The following PIK3C2G variants were observed in gnomAD, a reference collection of about 807,000 sequenced individuals.
PIK3C2G encodes the protein phosphatidylinositol 3-kinase C2 domain-containing subunit gamma.
Under a neutral mutation model 181.1 loss-of-function variants are expected in PIK3C2G, and 168 were observed. The observed-to-expected ratio is 0.93, with a 90% CI of 0.82 to 1.05. The LOEUF is 1.05. PIK3C2G is among the 50% of genes least tolerant of loss of function. PIK3C2G has a pLI of 0.00. For missense variants in PIK3C2G, 1,869 were observed against 1,732.8 expected, an observed-to-expected ratio of 1.08 and a Z score of -1.40; for synonymous variants, 573 against 592.2, an observed-to-expected ratio of 0.97 and a Z score of 0.47.
At chr12:18,484,913 C>G (rs970035401) in intron 18 of PIK3C2G, among the ~76,000 whole-genome samples, 1 of 152,138 alleles carries the variant, frequency 6.6e-6, no homozygotes. Context: ...CCTGTGCTCA[C>G]TAAAAATTGG....
At chr12:18,465,431 T>C (rs1465785232) in intron 18 of PIK3C2G, among the ~76,000 whole-genome samples, 1 of 151,982 alleles carries the variant, frequency 6.6e-6, no homozygotes, top group Non-Finnish European at 1.5e-5. Flanking sequence ...TCTTGCATTT[T>C]AGTCTTTTCA....
chr12:18,575,783 T>C (rs1946204940), intron 29 of PIK3C2G, among the ~76,000 whole-genome samples: 1 of 152,224 alleles, frequency 6.6e-6, no homozygotes, highest in Non-Finnish European at 1.5e-5. Flanking sequence ...CTTTCTCCTG[T>C]TTAGAAACTT....
At chr12:18,465,819 A>C (rs1379333848) in intron 18 of PIK3C2G, among the ~76,000 whole-genome samples, 1 of 151,760 alleles carries the variant, frequency 6.6e-6, no homozygotes, top group African/African-American at 2.4e-5. Context: ...TTAACATTCT[A>C]AAGTTCTGAA....
In PIK3C2G at chr12:18,624,670, G is replaced by A. The variant is rs191009632; in HGVS notation, c.4182+15041G>A. On this transcript the variant is annotated intron_variant, in intron 31 of 32. Coordinates refer to ENST00000538779, the MANE Select transcript of PIK3C2G (RefSeq NM_001288772.2). ...ACAGCAGTGAAGGCATCAGGTCCTG[G>A]GCTTTTTTTTGAGGAGAGACTTTTT... Among the ~76,000 whole-genome samples the A allele has an allele frequency of 1.4e-4, 21 of 151,498 alleles. No homozygotes were observed. In the East Asian group the frequency reaches 4.1e-3, roughly 29 times the overall value.
intron 32 of PIK3C2G, among the ~76,000 whole-genome samples, chr12:18,642,285 A>T (rs959586107): frequency 2.0e-5 from 3 of 152,188 alleles, no homozygotes; most frequent in African/African-American, 7.2e-5. Flanking sequence ...TTAAATTTTT[A>T]ATAAAATGTG....
rs138009500 is a variant in PIK3C2G at position 18,255,324 on chromosome 12, T to G, written c.-79+7242T>G. ...GAGTCTATTCTGATTCTATTTTCTA[T>G]AAGTAACTTTTTAAGAACAATAATT... On this transcript the variant is annotated intron_variant, in intron 1 of 11. Coordinates refer to the PIK3C2G transcript ENST00000535651. Among the ~76,000 whole-genome samples, 47 of 152,308 alleles carry G rather than the reference T, an allele frequency of 3.1e-4. No homozygotes were observed. In the East Asian group the frequency reaches 7.1e-3, roughly 23 times the overall value.
chr12:18,610,454 G>A (rs1337899382), intron 31 of PIK3C2G, among the ~76,000 whole-genome samples: 1 of 152,000 alleles, frequency 6.6e-6, no homozygotes, highest in Admixed American at 6.6e-5. Flanking sequence ...ATAAATATTT[G>A]TTTGGTGAAC....
At chr12:18,243,046 A>T (rs1948001104), upstream of PIK3C2G, among the ~76,000 whole-genome samples, 1 of 152,136 alleles carries the variant, frequency 6.6e-6, no homozygotes. Context: ...AAGAACATAT[A>T]AGGTAAGTAA....
chr12:18,464,579 GA>G (rs1267946076), intron 18 of PIK3C2G, among the ~76,000 whole-genome samples: 11 of 151,970 alleles, frequency 7.2e-5, no homozygotes, highest in Non-Finnish European at 1.2e-4. Flanking sequence ...TTTCTCATCA[GA>G]AGAAGAAATG....
At chr12:18,526,802 A>G (rs1223289089) in intron 24 of PIK3C2G, among the ~76,000 whole-genome samples, 2 of 152,088 alleles carry the variant, frequency 1.3e-5, no homozygotes, top group African/African-American at 4.8e-5. Context: ...GGACCATTTC[A>G]AGAAACAAAG....
intron 11 of PIK3C2G, among the ~76,000 whole-genome samples, chr12:18,349,219 G>C (rs1330300454): frequency 6.6e-6 from 1 of 152,134 alleles, no homozygotes; most frequent in Non-Finnish European, 1.5e-5. Flanking sequence ...TCGCATACCA[G>C]GAGACAGAAT....
chr12:18,677,771 A>T, the PIK3C2G span, among the ~76,000 whole-genome samples: 1 of 152,120 alleles, frequency 6.6e-6, no homozygotes, highest in South Asian at 2.1e-4. Flanking sequence ...AACAAAAATA[A>T]TTATTTGTGT....
intron 31 of PIK3C2G, among the ~76,000 whole-genome samples, chr12:18,615,657 C>T (rs948765628): frequency 6.6e-6 from 1 of 151,858 alleles, no homozygotes; most frequent in Admixed American, 6.6e-5. Flanking sequence ...TTCTTTTACT[C>T]ATATATATAA....
chr12:18,707,320 A>G, the PIK3C2G span, among the ~76,000 whole-genome samples: 1 of 152,214 alleles, frequency 6.6e-6, no homozygotes. Context: ...AAGAATAGGT[A>G]AAGTTTTTTC....
chr12:18,694,935 C>G, the PIK3C2G span: 1 of 1,601,276 alleles, frequency 6.2e-7, no homozygotes, highest in Non-Finnish European at 8.5e-7. Flanking sequence ...AATTGGCATA[C>G]CCTCTTTTAT....
At chr12:18,490,570 G>A (rs148817278) in intron 19 of PIK3C2G, among the ~76,000 whole-genome samples, 10 of 151,854 alleles carry the variant, frequency 6.6e-5, no homozygotes, top group East Asian at 3.9e-4. Context: ...TCCTACTCTC[G>A]GTCTCCATTA....
intron 26 of PIK3C2G, among the ~76,000 whole-genome samples, chr12:18,560,692 A>G (rs1374675693): frequency 6.6e-6 from 1 of 152,104 alleles, no homozygotes; most frequent in Admixed American, 6.5e-5. Context: ...ATATAAAACT[A>G]TATCAAAACT....
intron 5 of PIK3C2G, among the ~76,000 whole-genome samples, chr12:18,301,030 A>T (rs762471313): frequency 4.6e-5 from 7 of 152,010 alleles, no homozygotes; most frequent in Non-Finnish European, 8.8e-5. Context: ...TGAATATATC[A>T]TCTCATTCTT....
intron 11 of PIK3C2G, among the ~76,000 whole-genome samples, chr12:18,350,316 T>G (rs938871794): frequency 1.3e-5 from 2 of 152,146 alleles, no homozygotes; most frequent in African/African-American, 4.8e-5. Flanking sequence ...AAAAATCCCT[T>G]AAGTCACTCA....
Sources: gnomAD v4.1 joint callset for allele counts (sites outside exome capture counted in the v4.1 genomes callset) on GRCh38, gnomAD v4.1.1 for gene constraint, MANE v1.5 for transcripts, NCBI Gene and HGNC (gene_info 2026-07-23, HGNC 2026-07-21) for gene names.